ABHD2: variants seen among roughly 807,000 people sequenced by gnomAD.
ABHD2 encodes the protein abhydrolase domain containing 2, acylglycerol lipase, also known as monoacylglycerol lipase ABHD2.
ABHD2 carries 20 observed loss-of-function variants against 48.1 expected under a neutral mutation model. The ratio of observed to expected loss-of-function variants is 0.42; its 90% confidence interval spans 0.29 to 0.60. The LOEUF (loss-of-function observed/expected upper bound fraction) is 0.60, where lower values mean the gene tolerates loss of function less well. Ranked by LOEUF, ABHD2 falls within the 20% of genes least tolerant of loss-of-function variation. The pLI, the probability that ABHD2 is intolerant of heterozygous loss-of-function variation, is 0.24. For synonymous variants in ABHD2, 209 were observed against 214.2 expected (o/e 0.98, Z 0.21); for missense variants, 405 against 550.9 (o/e 0.74, Z 2.65).
chr15:89,201,817 A>T lies in ABHD2; in HGVS notation c.*6394A>T. On this transcript the variant is annotated 3_prime_UTR_variant, in exon 11 of 11. Coordinates refer to ENST00000352732, the MANE Select transcript of ABHD2 (RefSeq NM_152924.5). Reference sequence around the variant, plus strand: ...GCAGACGCCATTGGAGAGACAGCGCAGAGCAGGGGGCGGCTTGCTCGCTGG... The same window carrying T: ...GCAGACGCCATTGGAGAGACAGCGCTGAGCAGGGGGCGGCTTGCTCGCTGG... The T allele has an allele frequency of 2.3e-6, 3 of 1,301,068 alleles. No individual in the cohort carries two copies. The highest frequency in any genetic ancestry group is 3.3e-6 in the Non-Finnish European group (3 of 905,914). The allele number at this position is 1,301,068 out of a possible 1,614,324, so 80.6% of individuals were successfully genotyped here. A position where few individuals can be genotyped will look rare whatever the true frequency, so the allele number is the denominator to read the frequency against.
chr15:89,082,798 T>A (rs1465761051), upstream of ABHD2: 2 of 152,234 alleles, frequency 1.3e-5, no homozygotes, highest in African/African-American at 2.4e-5. This position sits in a 1 kb window ranked among gnomAD's most constrained non-coding sequence, Gnocchi z 4.4. Flanking sequence ...GTAAATTAAT[T>A]TAAATATATG....
At position 89,193,338 on chromosome 15, in the gene ABHD2, T is replaced by C. The variant is rs2051338215; in HGVS notation, c.1081+19T>C. 1 of 1,598,514 alleles carries C rather than the reference T, an allele frequency of 6.3e-7. No homozygotes were observed. The highest frequency in any genetic ancestry group is 2.2e-5 in the East Asian group (1 of 44,852). ...CTTTCAGGTAAGTGTTTCTTCCTGC[T>C]GCCCTCTCAACAGCTCAGCAAGTTG... On this transcript the variant is annotated intron_variant, in intron 10 of 10. Transcript: ENST00000352732.
intron 3 of ABHD2, among the ~76,000 whole-genome samples, chr15:89,141,519 G>A (rs2050402482): frequency 6.6e-6 from 1 of 152,148 alleles, no homozygotes; most frequent in African/African-American, 2.4e-5. Flanking sequence ...TGTAACCCCA[G>A]CTACCCAGGA....
rs1356624344 is a variant in ABHD2, at chr15:89,182,184, C to T, written c.723-3240C>T. 6.6e-6 allele frequency among the ~76,000 whole-genome samples: 1 copy of T among 152,200 alleles called. No individual in the cohort carries two copies. The highest frequency in any genetic ancestry group is 1.5e-5 in the Non-Finnish European group (1 of 68,040). On this transcript the variant is annotated intron_variant, in intron 6 of 10. Coordinates refer to ENST00000352732, the MANE Select transcript of ABHD2 (RefSeq NM_152924.5). This position sits in a 1 kb window ranked among gnomAD's most constrained non-coding sequence, Gnocchi z 4.8. The stretch of plus-strand genomic sequence containing the variant: ...TGGGTTTGGGGGTTAATTTTCTCTT[C>T]TCATTTGTGATTATCACTTCTTGAG...
the ABHD2 span, among the ~76,000 whole-genome samples, chr15:89,050,187 C>T: frequency 6.6e-6 from 1 of 152,282 alleles, no homozygotes; most frequent in African/African-American, 2.4e-5. Flanking sequence ...CAGAGCAGAC[C>T]TGGCCTGTCT....
intron 1 of ABHD2, among the ~76,000 whole-genome samples, chr15:89,098,366 G>C (rs2049647288): frequency 6.6e-6 from 1 of 152,050 alleles, no homozygotes; most frequent in Non-Finnish European, 1.5e-5. Flanking sequence ...GAAAAATTCA[G>C]AGTTCAGCAG....
chr15:89,053,987 A>T, the ABHD2 span, among the ~76,000 whole-genome samples: 2 of 152,140 alleles, frequency 1.3e-5, no homozygotes, highest in Non-Finnish European at 2.9e-5. Flanking sequence ...AGAGTCTAAC[A>T]CATTGCTGCA....
intron 2 of ABHD2, among the ~76,000 whole-genome samples, chr15:89,115,588 C>G (rs1183881787): frequency 6.6e-6 from 1 of 152,144 alleles, no homozygotes; most frequent in African/African-American, 2.4e-5. Context: ...TGGCTATAGT[C>G]AGGTAGCCTC....
intron 3 of ABHD2, among the ~76,000 whole-genome samples, chr15:89,123,673 T>G (rs1293652685): frequency 6.7e-6 from 1 of 149,506 alleles, no homozygotes; most frequent in Non-Finnish European, 1.5e-5. Context: ...TCATGGCTCA[T>G]TGTAGCCTCA....
chr15:89,166,116 AAG>A lies in ABHD2; in HGVS notation c.539-9690_539-9689del, dbSNP rs10540503. Among the ~76,000 whole-genome samples, 1,225 of 152,364 alleles carry A rather than the reference AAG, an allele frequency of 8.0e-3. 14 individuals carry two copies. Among genetic ancestry groups the A allele is most frequent in the African/African-American group, 0.027 (1,133 of 41,572 alleles). ...ATCTTATTAGTTTGATCTTGATTTAAAGAGAGAAAAAAATAGGATTAAAAACA... is the reference window on the plus strand; with the variant it reads ...ATCTTATTAGTTTGATCTTGATTTAAAGAGAAAAAAATAGGATTAAAAACA... On this transcript the variant is annotated intron_variant, in intron 5 of 10. Coordinates refer to ENST00000352732, the MANE Select transcript of ABHD2 (RefSeq NM_152924.5). The surrounding 1 kb of genome is among the most constrained non-coding windows in gnomAD (Gnocchi z 4.6).
At chr15:89,095,275 G>A (rs187846569) in intron 1 of ABHD2, among the ~76,000 whole-genome samples, 3 of 152,082 alleles carry the variant, frequency 2.0e-5, no homozygotes, top group East Asian at 1.9e-4. Context: ...AACAATGCTC[G>A]TTACTCTTTT....
At chr15:89,041,705 A>G in the ABHD2 span, among the ~76,000 whole-genome samples, 2 of 152,204 alleles carry the variant, frequency 1.3e-5, no homozygotes, top group Non-Finnish European at 2.9e-5. Context: ...GCGCAACTCT[A>G]TTCCCCTGCT....
chr15:89,121,464 T>G (rs1436141993), intron 3 of ABHD2, among the ~76,000 whole-genome samples: 1 of 152,074 alleles, frequency 6.6e-6, no homozygotes. Context: ...TTGGCTTTTT[T>G]TTTTTTAAGT....
At position 89,195,003 on chromosome 15, in the gene ABHD2, G is replaced by C. The variant is rs1016853975; in HGVS notation, c.1082-224G>C. Among the ~76,000 whole-genome samples, 2 of 152,188 alleles carry C rather than the reference G, an allele frequency of 1.3e-5. No individual in the cohort carries two copies. The highest frequency in any genetic ancestry group is 4.8e-5 in the African/African-American group (2 of 41,452). ...TAGAGTTCTAAGGCTTTCTTCAGCT[G>C]GTGCCCATTCAGCTCCAAAGCCAAG... On this transcript the variant is annotated intron_variant, in intron 10 of 10. Transcript: ENST00000352732. This position sits in a 1 kb window ranked among gnomAD's most constrained non-coding sequence, Gnocchi z 5.1.
Position 89,155,319 on chromosome 15 carries a change from C to T in ABHD2, c.371-48C>T. The T allele has an allele frequency of 6.4e-7, 1 of 1,570,560 alleles. No individual in the cohort carries two copies. Among genetic ancestry groups the T allele is most frequent in the Admixed American group, 1.7e-5 (1 of 58,638 alleles). ...GTGAAGTGTAATTATGTCCATTTAT[C>T]ATGTCACATTTCTTGGATACATCAG... On this transcript the variant is annotated intron_variant, in intron 4 of 10. Coordinates refer to ENST00000352732, the MANE Select transcript of ABHD2 (RefSeq NM_152924.5). This position sits in a 1 kb window ranked among gnomAD's most constrained non-coding sequence, Gnocchi z 4.9.
At chr15:89,136,293 C>T (rs2050311715) in intron 3 of ABHD2, 5 of 446,382 alleles carry the variant, frequency 1.1e-5, no homozygotes, top group South Asian at 8.4e-5. Context: ...CGTATGGGCC[C>T]TGTCTGCCTT....
chr15:89,170,626 C>T (rs569299039), intron 5 of ABHD2, among the ~76,000 whole-genome samples: 1 of 152,342 alleles, frequency 6.6e-6, no homozygotes, highest in South Asian at 2.1e-4. Flanking sequence ...ACATTGCCTT[C>T]CAAGGCCTAT....
chr15:89,182,434 G>C lies in ABHD2; in HGVS notation c.723-2990G>C, dbSNP rs1302907346. On this transcript the variant is annotated intron_variant, in intron 6 of 10. Coordinates refer to ENST00000352732, the MANE Select transcript of ABHD2 (RefSeq NM_152924.5). The surrounding 1 kb of genome is among the most constrained non-coding windows in gnomAD (Gnocchi z 4.8). Reference sequence around the variant, plus strand: ...AATATCTGGCCCAGCCTGGGGAGCAGTTCCTGCCACCCCTTCTCTCTTCTG... The same window carrying C: ...AATATCTGGCCCAGCCTGGGGAGCACTTCCTGCCACCCCTTCTCTCTTCTG... Among the ~76,000 whole-genome samples, 2 of 152,148 alleles carry C rather than the reference G, an allele frequency of 1.3e-5. No homozygotes were observed. Among genetic ancestry groups the C allele is most frequent in the Non-Finnish European group, 2.9e-5 (2 of 68,032 alleles).
chr15:89,131,465 A>G (rs930554685), intron 3 of ABHD2, among the ~76,000 whole-genome samples: 4 of 152,148 alleles, frequency 2.6e-5, no homozygotes, highest in Non-Finnish European at 4.4e-5. Context: ...AGGACCCAGC[A>G]GAGAGGTGAA....
Sources: allele counts gnomAD v4.1 joint callset (sites outside exome capture counted in the v4.1 genomes callset), GRCh38; gene constraint gnomAD v4.1.1; non-coding constraint Gnocchi (gnomAD v3.1); transcripts MANE v1.5; gene names NCBI Gene and HGNC (gene_info 2026-07-23, HGNC 2026-07-21).